The following KCNIP4 variants were observed in gnomAD, a reference collection of about 807,000 sequenced individuals.
KCNIP4 encodes Kv channel-interacting protein 4.
A neutral mutation model predicts 34.0 loss-of-function variants in KCNIP4; 12 were observed. The ratio of observed to expected loss-of-function variants is 0.35; its 90% CI spans 0.23 to 0.57. KCNIP4 has a LOEUF of 0.57. Among genes scored for constraint, KCNIP4 ranks in the 20% least tolerant of loss-of-function variants. The probability of loss-of-function intolerance (pLI) is 0.83; values close to 1 mark genes in which losing one functional copy is unlikely to be tolerated. For synonymous variants in KCNIP4, 124 were observed against 102.2 expected (o/e 1.21, Z -1.29); for missense variants, 238 against 311.7 (o/e 0.76, Z 1.78).
At chr4:20,975,963 C>A (rs192136590) in intron 1 of KCNIP4, among the ~76,000 whole-genome samples, 1 of 152,174 alleles carries the variant, frequency 6.6e-6, no homozygotes, top group Non-Finnish European at 1.5e-5. Flanking sequence ...ATATTATCTA[C>A]GGCTGCTTTT....
At chr4:21,877,242 A>G (rs1287810646) in intron 1 of KCNIP4, among the ~76,000 whole-genome samples, 1 of 152,070 alleles carries the variant, frequency 6.6e-6, no homozygotes, top group Non-Finnish European at 1.5e-5. Flanking sequence ...AATCAGAGCT[A>G]CTTGGGAGGC....
chr4:21,893,792 C>T (rs1727233791), intron 1 of KCNIP4, among the ~76,000 whole-genome samples: 1 of 152,104 alleles, frequency 6.6e-6, no homozygotes, highest in Non-Finnish European at 1.5e-5. Context: ...TCCTCAAATA[C>T]ATGAAGCTGT....
intron 1 of KCNIP4, among the ~76,000 whole-genome samples, chr4:21,249,300 T>C (rs1426940575): frequency 1.3e-5 from 2 of 151,952 alleles, no homozygotes; most frequent in African/African-American, 4.8e-5. Flanking sequence ...AAAAATCCTA[T>C]AGTTTGAAAG....
intron 1 of KCNIP4, among the ~76,000 whole-genome samples, chr4:21,040,020 G>C (rs1741814165): frequency 6.6e-6 from 1 of 152,162 alleles, no homozygotes; most frequent in African/African-American, 2.4e-5. Flanking sequence ...AGGTGAGAGA[G>C]TGCGTGTGTG....
intron 1 of KCNIP4, among the ~76,000 whole-genome samples, chr4:21,634,246 A>AC (rs1243785473): frequency 1.3e-4 from 18 of 140,476 alleles, no homozygotes; most frequent in Non-Finnish European, 2.1e-4. Flanking sequence ...AAAAAAAAAA[A>AC]ACACATACAT....
At chr4:20,794,021 T>C (rs1713122208) in intron 3 of KCNIP4, among the ~76,000 whole-genome samples, 1 of 152,186 alleles carries the variant, frequency 6.6e-6, no homozygotes, top group South Asian at 2.1e-4. Flanking sequence ...TCTGATGGTT[T>C]TAAAAAGTAG....
Position 21,406,117 on chromosome 4 carries a change from G to A in KCNIP4, c.62-523408C>T, listed in dbSNP as rs528453874. Among the ~76,000 whole-genome samples, 8 of 152,314 alleles carry A rather than the reference G, an allele frequency of 5.3e-5. No homozygotes were observed. In the South Asian group the frequency reaches 1.7e-3, roughly 32 times the overall value. Reference sequence around the variant, plus strand: ...CCCAAAGTGTTAGGATTACAGGCATGAGCCACTGTACCTGGCCCCGTCATC... The same window carrying A: ...CCCAAAGTGTTAGGATTACAGGCATAAGCCACTGTACCTGGCCCCGTCATC... On this transcript the variant is annotated intron_variant, in intron 1 of 8. Transcript: ENST00000382152.
chr4:21,066,813 A>G (rs191938758), intron 1 of KCNIP4, among the ~76,000 whole-genome samples: 1 of 152,290 alleles, frequency 6.6e-6, no homozygotes, highest in Admixed American at 6.5e-5. Flanking sequence ...AAGGCAGTCT[A>G]GGCCATGAGG....
chr4:21,738,442 A>ATT (rs1336644779), intron 1 of KCNIP4, among the ~76,000 whole-genome samples: 2 of 152,196 alleles, frequency 1.3e-5, no homozygotes, highest in African/African-American at 4.8e-5. Context: ...CTTAAGCCTA[A>ATT]ACAAAAATGA....
intron 1 of KCNIP4, among the ~76,000 whole-genome samples, chr4:21,280,821 TGTGA>T (rs1762729390): frequency 6.6e-6 from 1 of 152,146 alleles, no homozygotes; most frequent in Admixed American, 6.5e-5. Flanking sequence ...GGACATGTGT[TGTGA>T]GTAAGGACTG....
intron 1 of KCNIP4, among the ~76,000 whole-genome samples, chr4:21,334,855 C>T (rs866793506): frequency 2.6e-4 from 40 of 152,202 alleles, no homozygotes; most frequent in Middle Eastern, 3.4e-3. Context: ...TCTATTGCTA[C>T]ATCATGTTCC....
At chr4:21,529,897 T>C (rs868438993) in intron 1 of KCNIP4, among the ~76,000 whole-genome samples, 5 of 152,204 alleles carry the variant, frequency 3.3e-5, no homozygotes, top group African/African-American at 1.2e-4. Flanking sequence ...ATAGAGAGGA[T>C]TGAACGTTTG....
intron 1 of KCNIP4, among the ~76,000 whole-genome samples, chr4:21,525,285 T>C (rs1304123996): frequency 1.3e-5 from 2 of 152,170 alleles, no homozygotes; most frequent in Non-Finnish European, 2.9e-5. Flanking sequence ...TAGGAGGCAA[T>C]AGTCCTAATT....
At chr4:21,638,225 CAG>C (rs963746459) in intron 1 of KCNIP4, among the ~76,000 whole-genome samples, 44 of 152,234 alleles carry the variant, frequency 2.9e-4, no homozygotes, top group African/African-American at 1.0e-3. Flanking sequence ...ATTTTCCAAT[CAG>C]GGGCAAATCA....
intron 1 of KCNIP4, among the ~76,000 whole-genome samples, chr4:21,685,001 C>G (rs1750698867): frequency 6.6e-6 from 1 of 152,130 alleles, no homozygotes; most frequent in South Asian, 2.1e-4. Context: ...GTATAATATA[C>G]AAGTCATCTG....
chr4:21,760,013 TC>T (rs1347698193), intron 1 of KCNIP4, among the ~76,000 whole-genome samples: 1 of 152,062 alleles, frequency 6.6e-6, no homozygotes, highest in Admixed American at 6.6e-5. Flanking sequence ...ACTACAGGTC[TC>T]CAACTACTCT....
chr4:21,612,137 A>G (rs1744206551), intron 1 of KCNIP4, among the ~76,000 whole-genome samples: 2 of 152,322 alleles, frequency 1.3e-5, no homozygotes, highest in African/African-American at 4.8e-5. Flanking sequence ...ATGTTGTAGA[A>G]AAAAAGATTG....
intron 2 of KCNIP4, among the ~76,000 whole-genome samples, chr4:20,860,770 T>C (rs1722111076): frequency 1.3e-5 from 2 of 152,166 alleles, no homozygotes; most frequent in South Asian, 4.1e-4. Context: ...TGGAGGAAGA[T>C]TTCCAATGCT....
At chr4:21,570,225 G>A (rs1417965843) in intron 1 of KCNIP4, among the ~76,000 whole-genome samples, 2 of 152,182 alleles carry the variant, frequency 1.3e-5, no homozygotes, top group African/African-American at 4.8e-5. Flanking sequence ...AAAAGAGTAG[G>A]TGGTGGATAG....
Sources: gnomAD v4.1 joint callset for allele counts (sites outside exome capture counted in the v4.1 genomes callset) on GRCh38, gnomAD v4.1.1 for gene constraint, MANE v1.5 for transcripts, NCBI Gene and HGNC (gene_info 2026-07-23, HGNC 2026-07-21) for gene names.